MAD1L1: variants seen among roughly 807,000 people sequenced by gnomAD.
The protein encoded by MAD1L1 is mitotic arrest deficient 1 like 1.
MAD1L1 carries 95 observed loss-of-function variants against 96.9 expected under a neutral mutation model. That is an observed-to-expected ratio of 0.98 (90% CI 0.83 to 1.16). MAD1L1 has a LOEUF of 1.16. MAD1L1 is among the 50% of genes most tolerant of loss of function. MAD1L1 has a pLI of 0.00. For missense variants in MAD1L1, 1,007 were observed against 954.4 expected (o/e 1.06, Z -0.73); for synonymous variants, 473 against 396.6 (o/e 1.19, Z -2.29).
intron 18 of MAD1L1, among the ~76,000 whole-genome samples, chr7:1,843,131 G>C (rs1783374610): frequency 6.6e-6 from 1 of 152,188 alleles, no homozygotes; most frequent in African/African-American, 2.4e-5. Flanking sequence ...GGCCCCGATG[G>C]CACAGTGCCG....
At chr7:1,903,240 T>C (rs1406046658) in intron 17 of MAD1L1, among the ~76,000 whole-genome samples, 670 of 85,210 alleles carry the variant, frequency 7.9e-3, no homozygotes, top group Middle Eastern at 0.039. Flanking sequence ...TTCCAGGCAG[T>C]GAGGACGCAG....
chr7:2,158,528 C>T (rs774915456), intron 10 of MAD1L1, among the ~76,000 whole-genome samples: 7 of 152,206 alleles, frequency 4.6e-5, no homozygotes, highest in East Asian at 1.9e-4. Context: ...ACAACCCAAG[C>T]GACACAGGCT....
At chr7:1,919,028 A>T (rs939834270) in intron 17 of MAD1L1, among the ~76,000 whole-genome samples, 1 of 152,204 alleles carries the variant, frequency 6.6e-6, no homozygotes, top group African/African-American at 2.4e-5. Context: ...CCTCCGGCCC[A>T]TGCCGCCGTG....
intron 14 of MAD1L1, among the ~76,000 whole-genome samples, chr7:1,982,127 T>C (rs1780934203): frequency 6.6e-6 from 1 of 152,108 alleles, no homozygotes; most frequent in Non-Finnish European, 1.5e-5. Context: ...CACTTCATTT[T>C]ATTTAACAAA....
intron 5 of MAD1L1, chr7:2,221,152 C>T: frequency 1.2e-6 from 1 of 816,220 alleles, no homozygotes; most frequent in Non-Finnish European, 1.9e-6. Flanking sequence ...CTCACTATGC[C>T]CCACCCCACC....
At position 1,988,681 on chromosome 7, in the gene MAD1L1, G is replaced by A. The variant is rs114338821; in HGVS notation, c.1417-8140C>T. 9.8e-3 allele frequency among the ~76,000 whole-genome samples: 1,487 copies of A among 152,334 alleles called. 19 individuals are homozygous for A. Among genetic ancestry groups the A allele is most frequent in the African/African-American group, 0.034 (1,430 of 41,582 alleles). On this transcript the variant is annotated intron_variant, in intron 14 of 18. Transcript: ENST00000265854. The stretch of plus-strand genomic sequence containing the variant: ...GCACAGCGTGGCTGGGGAGGGCAGC[G>A]CCACAGGCAGACTTCTTGGGAAGGG...
At chr7:1,992,834 G>T (rs1781409316) in intron 14 of MAD1L1, among the ~76,000 whole-genome samples, 1 of 147,600 alleles carries the variant, frequency 6.8e-6, no homozygotes, top group Admixed American at 6.7e-5. Flanking sequence ...CAGGCGGCAG[G>T]GGCAGGGGCA....
intron 18 of MAD1L1, among the ~76,000 whole-genome samples, chr7:1,822,301 G>C (rs1236328385): frequency 6.6e-6 from 1 of 151,802 alleles, no homozygotes; most frequent in Non-Finnish European, 1.5e-5. Context: ...ACTGATGAAA[G>C]GAATCGAAAG....
At chr7:2,069,046 C>T in intron 12 of MAD1L1, 148 bp downstream of exon 12, 1 of 1,067,158 alleles carries the variant, frequency 9.4e-7, no homozygotes, top group Non-Finnish European at 1.3e-6. Context: ...CTCTGGCATT[C>T]CCAGAACCCT....
At chr7:2,046,170 G>A (rs1486630970) in intron 12 of MAD1L1, among the ~76,000 whole-genome samples, 15 of 152,156 alleles carry the variant, frequency 9.9e-5, no homozygotes, top group Non-Finnish European at 2.2e-4. Context: ...CACGCCCCAG[G>A]TGGACTGAAG....
At chr7:1,910,653 G>C (rs113189503) in intron 17 of MAD1L1, among the ~76,000 whole-genome samples, 2,149 of 152,336 alleles carry the variant, frequency 0.014, 45 homozygotes, top group African/African-American at 0.049. Flanking sequence ...ACGAGCATCT[G>C]AGATCGCGTG....
At chr7:2,107,686 G>A (rs1277853576) in intron 11 of MAD1L1, 1 of 152,306 alleles carries the variant, frequency 6.6e-6, no homozygotes, top group Non-Finnish European at 1.5e-5. Context: ...CTGGCCCCCA[G>A]TGACGTCTTT....
chr7:2,021,177 G>A (rs1240291776), intron 12 of MAD1L1, among the ~76,000 whole-genome samples: 5 of 152,176 alleles, frequency 3.3e-5, no homozygotes. Context: ...CGTGATAATG[G>A]CCGAGATTTG....
chr7:2,141,140 G>C (rs1040654842), intron 11 of MAD1L1, among the ~76,000 whole-genome samples: 1 of 152,232 alleles, frequency 6.6e-6, no homozygotes, highest in East Asian at 1.9e-4. Flanking sequence ...GCGTGTGCTC[G>C]CCTTGCGGGC....
chr7:2,220,852 C>T, intron 5 of MAD1L1: 1 of 1,585,670 alleles, frequency 6.3e-7, no homozygotes, highest in East Asian at 2.3e-5. Context: ...ACACATCCTC[C>T]CAGAGGTCTT....
chr7:2,092,361 C>T (rs1786259793), intron 11 of MAD1L1, among the ~76,000 whole-genome samples: 2 of 152,134 alleles, frequency 1.3e-5, no homozygotes, highest in African/African-American at 4.8e-5. Flanking sequence ...CAGGTTCAAG[C>T]AATCCTCCCA....
intron 12 of MAD1L1, among the ~76,000 whole-genome samples, chr7:2,067,152 A>AC (rs1784911645): frequency 1.3e-5 from 2 of 151,940 alleles, no homozygotes. Context: ...TGCCACCCGA[A>AC]CACAGCACGT....
intron 17 of MAD1L1, among the ~76,000 whole-genome samples, chr7:1,903,269 C>A (rs1394015916): frequency 2.0e-5 from 3 of 151,156 alleles, no homozygotes; most frequent in Non-Finnish European, 2.9e-5. Flanking sequence ...GGAAGACACT[C>A]TTGCGGAATT....
chr7:2,066,718 A>G (rs1047492298), intron 12 of MAD1L1, among the ~76,000 whole-genome samples: 13 of 152,216 alleles, frequency 8.5e-5, no homozygotes, highest in Non-Finnish European at 5.9e-5. Context: ...GGAGCCCCAC[A>G]GGGATGAAAA....
Sources: allele counts gnomAD v4.1 joint callset (sites outside exome capture counted in the v4.1 genomes callset), GRCh38; gene constraint gnomAD v4.1.1; transcripts MANE v1.5; gene names NCBI Gene and HGNC (gene_info 2026-07-23, HGNC 2026-07-21).